The following CEP162 variants were observed in gnomAD, a reference collection of about 807,000 sequenced individuals.
The protein encoded by CEP162 is centrosomal protein 162, also known as centrosomal protein of 162 kDa.
Under a neutral mutation model 169.2 loss-of-function variants are expected in CEP162, and 141 were observed. The ratio of observed to expected loss-of-function variants is 0.83; its 90% CI spans 0.73 to 0.96. The LOEUF (loss-of-function observed/expected upper bound fraction) is 0.96. CEP162 is among the 40% of genes least tolerant of loss of function. CEP162 has a pLI of 0.00. For synonymous variants in CEP162, 540 were observed against 526.4 expected (o/e 1.03, Z -0.35); for missense variants, 1,600 against 1,587.2 (o/e 1.01, Z -0.14).
At chr6:84,131,445 G>T (rs573023153) in intron 25 of CEP162, among the ~76,000 whole-genome samples, 1 of 152,098 alleles carries the variant, frequency 6.6e-6, no homozygotes, top group Non-Finnish European at 1.5e-5. Flanking sequence ...TGACAGTGGG[G>T]TGTTAAAGTC....
rs529261417 is a variant in CEP162 at position 84,199,011 on chromosome 6, GT to G, written c.835+1777del. 5.3e-5 allele frequency among the ~76,000 whole-genome samples: 8 copies of G among 152,134 alleles called. No homozygotes were observed. In the East Asian group the frequency reaches 1.5e-3, roughly 29 times the overall value. On this transcript the variant is annotated intron_variant, in intron 9 of 26. Transcript: ENST00000403245. ...ATAATTTTTGCTTTCTTTTTTACTG[GT>G]TTTAATGCTCATCTCAGAATAAAGT...
chr6:84,152,725 A>G lies in CEP162; in HGVS notation c.3449T>C (p.Phe1150Ser), dbSNP rs2129202414. The G allele has an allele frequency of 6.2e-7, 1 of 1,613,244 alleles. No individual in the cohort carries two copies. Among genetic ancestry groups the G allele is most frequent in the Non-Finnish European group, 8.5e-7 (1 of 1,179,630 alleles). ...LHSSKGNANSFPGTLDSKLYQ... is the reference protein window; with the variant it reads ...LHSSKGNANSSPGTLDSKLYQ... The stretch of plus-strand genomic sequence containing the variant: ...CAGCTTGCTGTCCAGGGTTCCAGGG[A>G]AGGAGTTAGCATTTCCTTTACTTGA... The change falls in exon 23 of 27, where the codon TTC (phenylalanine) becomes TCC (serine). Residue 1150 changes from phenylalanine (F) to serine (S), a missense_variant. By Grantham distance (155) the Phe-to-Ser change is radical. Transcript: ENST00000403245.
chr6:84,208,931 C>T (rs1588878879), intron 6 of CEP162, among the ~76,000 whole-genome samples: 2 of 152,108 alleles, frequency 1.3e-5, no homozygotes, highest in South Asian at 2.1e-4. Context: ...AAGTGACCCT[C>T]GAGATTAGAC....
At chr6:84,179,519 GT>G (rs1036855010) in intron 13 of CEP162, among the ~76,000 whole-genome samples, 2 of 150,664 alleles carry the variant, frequency 1.3e-5, no homozygotes, top group Non-Finnish European at 2.9e-5. Context: ...TGATGGGGTT[GT>G]TTTTTTTCTT....
In CEP162 at chr6:84,210,247, A is replaced by C. The variant is rs1377270166; in HGVS notation, c.571+2710T>G. 3.0e-4 allele frequency among the ~76,000 whole-genome samples: 46 copies of C among 152,222 alleles called. 1 individual carries two copies. The highest frequency in any genetic ancestry group is 7.3e-5 in the Non-Finnish European group (5 of 68,038). On this transcript the variant is annotated intron_variant, in intron 6 of 26. Transcript: ENST00000403245. Reference sequence around the variant, plus strand: ...AAAAATGTTCTTAAAGCTCAGATAAACCATATGAATTGTAAAAGAACCTTT... The same window carrying C: ...AAAAATGTTCTTAAAGCTCAGATAACCCATATGAATTGTAAAAGAACCTTT...
At chr6:84,131,647 C>A (rs1377031223) in intron 25 of CEP162, among the ~76,000 whole-genome samples, 3 of 150,492 alleles carry the variant, frequency 2.0e-5, no homozygotes, top group Non-Finnish European at 4.4e-5. Context: ...TTATCAGAGA[C>A]TAGGATTGCA....
chr6:84,196,860 T>C (rs568185513), intron 9 of CEP162, among the ~76,000 whole-genome samples: 10 of 152,316 alleles, frequency 6.6e-5, no homozygotes, highest in Admixed American at 5.2e-4. Context: ...ACATGAAGTA[T>C]ATCCAAATAA....
At chr6:84,185,976 T>C (rs1182429092) in intron 12 of CEP162, among the ~76,000 whole-genome samples, 1 of 152,088 alleles carries the variant, frequency 6.6e-6, no homozygotes. Flanking sequence ...TGCTTTCCTA[T>C]AAAACGCCAA....
chr6:84,160,741 T>C (rs754304546), intron 21 of CEP162, 71 bp downstream of exon 21: 48 of 945,798 alleles, frequency 5.1e-5, no homozygotes, highest in Non-Finnish European at 7.6e-5. Context: ...TGGGAACTCC[T>C]GAAACAAAAG....
At chr6:84,140,289 T>C (rs1301561171) in intron 25 of CEP162, among the ~76,000 whole-genome samples, 1 of 152,094 alleles carries the variant, frequency 6.6e-6, no homozygotes, top group Non-Finnish European at 1.5e-5. Context: ...GGGAGAGTCC[T>C]ATCCCAGCAG....
intron 6 of CEP162, 93 bp downstream of exon 6, chr6:84,212,864 G>T (rs2099550055): frequency 1.1e-5 from 9 of 806,362 alleles, no homozygotes; most frequent in South Asian, 3.5e-5. Flanking sequence ...GAGACAATAT[G>T]ATTTTCCTTT....
Position 84,167,256 on chromosome 6 carries a change from T to C in CEP162, c.2385+2072A>G, listed in dbSNP as rs558470969. On this transcript the variant is annotated intron_variant, in intron 18 of 26. Coordinates refer to ENST00000403245, the MANE Select transcript of CEP162 (RefSeq NM_014895.4). ...TGTTTCACTCTGAGTTCCCTTAAAT[T>C]GGTCTTTCAGTTTAATGCTTTCCTT... is the stretch of plus-strand genomic sequence containing the variant. Among the ~76,000 whole-genome samples, 14 of 152,322 alleles carry C rather than the reference T, an allele frequency of 9.2e-5. No homozygotes were observed. In the South Asian group the frequency reaches 2.3e-3, roughly 25 times the overall value.
chr6:84,156,044 G>T (rs563793529), intron 21 of CEP162, among the ~76,000 whole-genome samples: 1 of 151,980 alleles, frequency 6.6e-6, no homozygotes, highest in East Asian at 1.9e-4. Context: ...TAGATCAATG[G>T]AACAGAATAG....
At chr6:84,175,951 G>C (rs527276130) in intron 13 of CEP162, among the ~76,000 whole-genome samples, 2 of 152,034 alleles carry the variant, frequency 1.3e-5, no homozygotes, top group African/African-American at 2.4e-5. Flanking sequence ...TATATATTCT[G>C]TTCCAATTTT....
chr6:84,160,748 A>G, intron 21 of CEP162, 64 bp downstream of exon 21: 1 of 1,038,562 alleles, frequency 9.6e-7, no homozygotes, highest in Middle Eastern at 2.1e-4. Flanking sequence ...TCCTGAAACA[A>G]AAGAGAAAAC....
chr6:84,213,850 C>T (rs985480640), intron 5 of CEP162, among the ~76,000 whole-genome samples: 3 of 152,180 alleles, frequency 2.0e-5, no homozygotes, highest in Non-Finnish European at 2.9e-5. Flanking sequence ...GAGGCAATGA[C>T]CATAGGCCCT....
rs375943693 is a variant in CEP162, at chr6:84,188,156, A to G, written c.1110-1533T>C. Among the ~76,000 whole-genome samples, 215 of 152,252 alleles carry G rather than the reference A, an allele frequency of 1.4e-3. 4 individuals are homozygous for G. The South Asian group carries it at 0.042, about 30-fold the overall frequency. On this transcript the variant is annotated intron_variant, in intron 11 of 26. Transcript: ENST00000403245. The stretch of plus-strand genomic sequence containing the variant: ...TTCACATTTAAGTATTGTTTCCCCA[A>G]ATATCCAGAGAACTGCAAATAAACG...
Position 84,163,527 on chromosome 6 carries a change from A to T in CEP162, c.2386-257T>A, listed in dbSNP as rs1458899989. On this transcript the variant is annotated intron_variant, in intron 18 of 26. Transcript: ENST00000403245. ...TTCTAACTTCTTCCATATACTAACCATATTGATGACCCATGAATTCTCTTG... is the reference window on the plus strand; with the variant it reads ...TTCTAACTTCTTCCATATACTAACCTTATTGATGACCCATGAATTCTCTTG... Among the ~76,000 whole-genome samples the T allele has an allele frequency of 2.6e-5, 4 of 151,856 alleles. No individual in the cohort carries two copies. In the Admixed American group the frequency reaches 2.6e-4, roughly 10 times the overall value.
intron 25 of CEP162, among the ~76,000 whole-genome samples, chr6:84,135,456 T>C (rs530847512): frequency 6.6e-6 from 1 of 152,334 alleles, no homozygotes; most frequent in African/African-American, 2.4e-5. Flanking sequence ...AGAGACAGAC[T>C]GCTTCCCAGA....
Sources: gnomAD v4.1 joint callset for allele counts (sites outside exome capture counted in the v4.1 genomes callset) on GRCh38, gnomAD v4.1.1 for gene constraint, MANE v1.5 for transcripts, NCBI Gene and HGNC (gene_info 2026-07-23, HGNC 2026-07-21) for gene names.